Variants in MAGI2 observed in about 807,000 individuals in gnomAD.
MAGI2 encodes the protein membrane associated guanylate kinase, WW and PDZ domain containing 2.
In MAGI2, 35 loss-of-function variants were observed where a neutral mutation model predicts 133.3. The observed-to-expected ratio is 0.26, with a 90% CI of 0.20 to 0.35. MAGI2 has a LOEUF of 0.35. Ranked by LOEUF, MAGI2 falls within the 10% of genes least tolerant of loss-of-function variation. The pLI is 1.00. For synonymous variants in MAGI2, 729 were observed against 710.6 expected, an observed-to-expected ratio of 1.03 and a Z score of -0.41; for missense variants, 1,636 against 1,863.4, an observed-to-expected ratio of 0.88 and a Z score of 2.25.
chr7:79,110,103 G>A (rs189257446), intron 1 of MAGI2, among the ~76,000 whole-genome samples: 12 of 152,006 alleles, frequency 7.9e-5, no homozygotes, highest in Admixed American at 7.9e-4. Flanking sequence ...GTCTGTAGGA[G>A]AGCAAGAGTG....
intron 1 of MAGI2, among the ~76,000 whole-genome samples, chr7:79,380,817 A>G (rs1225218675): frequency 6.6e-6 from 1 of 151,758 alleles, no homozygotes; most frequent in South Asian, 2.1e-4. Context: ...AAGAAAATAC[A>G]CTTCTTTAAA....
At chr7:78,616,519 CTATGAA>C (rs1419417780) in intron 3 of MAGI2, 21 of 152,062 alleles carry the variant, frequency 1.4e-4, no homozygotes, top group Admixed American at 9.8e-4. Context: ...ATTTGATATA[CTATGAA>C]TTAGTGTAGG....
intron 2 of MAGI2, among the ~76,000 whole-genome samples, chr7:78,795,564 A>T (rs1250199129): frequency 6.6e-6 from 1 of 152,146 alleles, no homozygotes; most frequent in African/African-American, 2.4e-5. Context: ...AAAAGTGGAA[A>T]GATATTCCAT....
intron 1 of MAGI2, among the ~76,000 whole-genome samples, chr7:79,042,557 T>A (rs1262991478): frequency 6.6e-6 from 1 of 152,190 alleles, no homozygotes; most frequent in Non-Finnish European, 1.5e-5. Context: ...ACTAAATATA[T>A]ATGCATGCAA....
At chr7:78,534,299 C>T (rs1395053542) in intron 3 of MAGI2, among the ~76,000 whole-genome samples, 1 of 152,168 alleles carries the variant, frequency 6.6e-6, no homozygotes, top group African/African-American at 2.4e-5. Context: ...CAGCCTTTCT[C>T]CCTCAATCTG....
At chr7:78,568,613 G>A (rs561867730) in intron 3 of MAGI2, among the ~76,000 whole-genome samples, 18 of 152,112 alleles carry the variant, frequency 1.2e-4, no homozygotes, top group Admixed American at 3.9e-4. Context: ...CTTCTCAGTG[G>A]TTCCACAACC....
intron 1 of MAGI2, among the ~76,000 whole-genome samples, chr7:79,248,546 C>G (rs1832983410): frequency 6.6e-6 from 1 of 152,082 alleles, no homozygotes; most frequent in South Asian, 2.1e-4. Context: ...GAACATATCA[C>G]CCAATGGCTG....
chr7:78,955,045 A>G (rs1584492123), intron 2 of MAGI2, among the ~76,000 whole-genome samples: 1 of 152,110 alleles, frequency 6.6e-6, no homozygotes, highest in East Asian at 1.9e-4. Context: ...TCCTGTTGGC[A>G]CAAATGTACA....
At chr7:78,612,704 C>G (rs111749793) in intron 3 of MAGI2, among the ~76,000 whole-genome samples, 2 of 151,932 alleles carry the variant, frequency 1.3e-5, no homozygotes, top group South Asian at 2.1e-4. Flanking sequence ...GGGTCTCGCT[C>G]TGTCGCCCAG....
chr7:78,370,458 G>A (rs1305238652), intron 6 of MAGI2, among the ~76,000 whole-genome samples: 1 of 151,772 alleles, frequency 6.6e-6, no homozygotes, highest in African/African-American at 2.4e-5. Context: ...TACCTGTCAT[G>A]TGTCATCTGT....
chr7:78,142,096 T>G (rs887128064), intron 16 of MAGI2, among the ~76,000 whole-genome samples: 3 of 152,100 alleles, frequency 2.0e-5, no homozygotes, highest in Non-Finnish European at 4.4e-5. Flanking sequence ...TTGGAAACAT[T>G]TGATGGGCCA....
chr7:78,825,504 A>T (rs1014725088), intron 2 of MAGI2, among the ~76,000 whole-genome samples: 5 of 152,144 alleles, frequency 3.3e-5, no homozygotes, highest in African/African-American at 1.2e-4. Context: ...TACATTTCTC[A>T]TTTGTGACAT....
At chr7:79,261,237 ATTCACTTC>A (rs1834064270) in intron 1 of MAGI2, among the ~76,000 whole-genome samples, 1 of 152,200 alleles carries the variant, frequency 6.6e-6, no homozygotes, top group Non-Finnish European at 1.5e-5. Flanking sequence ...CACTTCTTAC[ATTCACTTC>A]TTCATTCGTT....
intron 6 of MAGI2, among the ~76,000 whole-genome samples, chr7:78,399,870 C>A (rs749422057): frequency 9.6e-5 from 14 of 145,854 alleles, no homozygotes; most frequent in Non-Finnish European, 1.9e-4. Flanking sequence ...CGCATGAACA[C>A]AGCTCAATCA....
In MAGI2 at chr7:79,023,575, C is replaced by T. The variant is rs144218309; in HGVS notation, c.302-16369G>A. Among the ~76,000 whole-genome samples, 217 of 152,076 alleles carry T rather than the reference C, an allele frequency of 1.4e-3. 1 individual carries two copies. Among genetic ancestry groups the T allele is most frequent in the African/African-American group, 4.8e-3 (201 of 41,516 alleles). ...TGTTTGTTGATGATGTGATTCTATA[C>T]CTCAAAAACCTCATAGTGTGTGCTC... On this transcript the variant is annotated intron_variant, in intron 1 of 21. Coordinates refer to ENST00000354212, the MANE Select transcript of MAGI2 (RefSeq NM_012301.4).
At chr7:79,046,691 A>T (rs1240976859) in intron 1 of MAGI2, among the ~76,000 whole-genome samples, 1 of 152,220 alleles carries the variant, frequency 6.6e-6, no homozygotes, top group African/African-American at 2.4e-5. Flanking sequence ...TCCTCTGCCC[A>T]ACTTGCTTTT....
intron 2 of MAGI2, among the ~76,000 whole-genome samples, chr7:78,800,546 A>G (rs943719702): frequency 1.3e-5 from 2 of 152,176 alleles, no homozygotes; most frequent in Non-Finnish European, 2.9e-5. Context: ...TGTCTCATAG[A>G]TATGAGATGA....
chr7:78,720,102 T>C (rs969797352), intron 2 of MAGI2, among the ~76,000 whole-genome samples: 2 of 152,292 alleles, frequency 1.3e-5, no homozygotes, highest in South Asian at 4.1e-4. Context: ...AAAATGCAGA[T>C]AAATTCTTTT....
At chr7:78,170,892 TTAAA>T (rs1257615349) in intron 14 of MAGI2, 4 of 152,154 alleles carry the variant, frequency 2.6e-5, no homozygotes, top group African/African-American at 9.7e-5. Context: ...TGCCATACTG[TTAAA>T]TAAAGTTGAA....
Sources: gnomAD v4.1 joint callset for allele counts (sites outside exome capture counted in the v4.1 genomes callset) on GRCh38, gnomAD v4.1.1 for gene constraint, MANE v1.5 for transcripts, NCBI Gene and HGNC (gene_info 2026-07-23, HGNC 2026-07-21) for gene names.